The following ATR variants were observed in gnomAD, a reference collection of about 807,000 sequenced individuals.
ATR encodes serine/threonine-protein kinase ATR.
In ATR, 142 loss-of-function variants were observed where a neutral mutation model predicts 305.3. The observed-to-expected ratio is 0.47, with a 90% CI of 0.41 to 0.53. The LOEUF (loss-of-function observed/expected upper bound fraction) is 0.53. ATR is among the 20% of genes least tolerant of loss of function. The pLI is 0.00. For missense variants in ATR, 2,135 were observed against 3,133.1 expected (o/e 0.68, Z 7.60); for synonymous variants, 1,050 against 1,068.1 (o/e 0.98, Z 0.33).
chr3:142,451,710 G>T, intron 46 of ATR: 1 of 1,182,476 alleles, frequency 8.5e-7, no homozygotes, highest in Non-Finnish European at 1.1e-6. Flanking sequence ...CTCCCAAGTA[G>T]CTGGGACTAC....
intron 16 of ATR, among the ~76,000 whole-genome samples, chr3:142,547,235 C>T (rs923813902): frequency 1.8e-4 from 28 of 151,938 alleles, no homozygotes; most frequent in Admixed American, 1.0e-3. Flanking sequence ...CCAAACTTCC[C>T]TTCTATCCAA....
rs11318957 is a variant in ATR at position 142,572,372 on chromosome 3, CTTT to C, written c.60-4221_60-4219del. Among the ~76,000 whole-genome samples the C allele has an allele frequency of 5.6e-4, 32 of 56,800 alleles. 1 individual carries two copies. The highest frequency in any genetic ancestry group is 1.9e-3 in the African/African-American group (29 of 15,024). The allele number at this position is 56,800 out of a possible 152,430, so 37.3% of individuals were successfully genotyped here. On this transcript the variant is annotated intron_variant, in intron 1 of 46. Coordinates refer to ENST00000350721, the MANE Select transcript of ATR (RefSeq NM_001184.4). ...GCGTGAGCCACCACGCCCGGCCTGA[CTTT>C]TTTTTTTTTTTTTTTTTTTTTTTTG... is the stretch of plus-strand genomic sequence containing the variant.
Position 142,505,271 on chromosome 3 carries a change from T to G in ATR, c.5064A>C (p.Gly1688=). 2 of 1,614,006 alleles carry G rather than the reference T, an allele frequency of 1.2e-6. No individual in the cohort carries two copies. The highest frequency in any genetic ancestry group is 1.7e-6 in the Non-Finnish European group (2 of 1,179,982). The part of the protein sequence containing the change: ...KLYAAMHEPD[G]VAGVSAIRKA... ...TTCTAATTGCACTGACTCCGGCCAC[T>G]CCATCAGGTTCATGCATAGCAGCAT... The change falls in exon 29 of 47, where the codon GGA becomes GGC. Residue 1688 remains glycine, a synonymous_variant. Coordinates refer to ENST00000350721, the MANE Select transcript of ATR (RefSeq NM_001184.4).
intron 10 of ATR, among the ~76,000 whole-genome samples, chr3:142,554,743 T>A (rs1421669073): frequency 6.6e-6 from 1 of 151,258 alleles, no homozygotes; most frequent in Non-Finnish European, 1.5e-5. Flanking sequence ...GGCAACAAAG[T>A]GAGATCCCTC....
chr3:142,575,488 C>G (rs1228135363), intron 1 of ATR, among the ~76,000 whole-genome samples: 1 of 144,088 alleles, frequency 6.9e-6, no homozygotes, highest in Non-Finnish European at 1.5e-5. Flanking sequence ...AAAAAAAAAG[C>G]AGGCTCATTC....
chr3:142,483,758 T>C (rs2030705940), intron 36 of ATR, among the ~76,000 whole-genome samples: 1 of 151,820 alleles, frequency 6.6e-6, no homozygotes, highest in Non-Finnish European at 1.5e-5. Context: ...CGCTTGAACC[T>C]GGAAGCAGAG....
chr3:142,471,708 T>C (rs2071272710), intron 36 of ATR, among the ~76,000 whole-genome samples: 1 of 152,176 alleles, frequency 6.6e-6, no homozygotes. Context: ...CCAAGCTAAC[T>C]CACGCATGCT....
Position 142,578,689 on chromosome 3 carries a change from G to C in ATR, c.16C>G (p.Leu6Val), listed in dbSNP as rs201753798. 2 of 1,613,212 alleles carry C rather than the reference G, an allele frequency of 1.2e-6. No homozygotes were observed. Among genetic ancestry groups the C allele is most frequent in the Non-Finnish European group, 1.7e-6 (2 of 1,179,810 alleles). The change falls in exon 1 of 47, where the codon CTG becomes GTG. Residue 6 changes from leucine to valine, a missense_variant. This residue lies in a region of ATR where 744 missense variants were observed against 873.2 expected (regional missense o/e 0.85). Coordinates refer to ENST00000350721, the MANE Select transcript of ATR (RefSeq NM_001184.4). MGEHG[L>V]ELASMIPALR... ...GCGGGGATCATGGAAGCCAGCTCCA[G>C]GCCATGTTCCCCCATGCTGAGGCTG... is the stretch of plus-strand genomic sequence containing the variant.
chr3:142,528,704 A>G (rs909997298), intron 21 of ATR, among the ~76,000 whole-genome samples: 1 of 151,014 alleles, frequency 6.6e-6, no homozygotes, highest in African/African-American at 2.4e-5. Flanking sequence ...CTTGGCTACA[A>G]TTCTGTCAGA....
At position 142,458,348 on chromosome 3, in the gene ATR, T is replaced by A. The variant is rs369977694; in HGVS notation, c.7504-593A>T. On this transcript the variant is annotated intron_variant, in intron 44 of 46. Transcript: ENST00000350721. ...CCATGCCAGTATTTTATCTCTGATTTGTTCTCAGTTGGATCTATGATCTTT... is the reference window on the plus strand; with the variant it reads ...CCATGCCAGTATTTTATCTCTGATTAGTTCTCAGTTGGATCTATGATCTTT... Among the ~76,000 whole-genome samples the A allele has an allele frequency of 4.5e-4, 69 of 152,348 alleles. No homozygotes were observed. The South Asian group carries it at 0.014, about 31-fold the overall frequency.
chr3:142,480,352 C>T (rs1192187379), intron 36 of ATR, among the ~76,000 whole-genome samples: 1 of 152,242 alleles, frequency 6.6e-6, no homozygotes, highest in Non-Finnish European at 1.5e-5. Flanking sequence ...TGGAGATCCA[C>T]TCCAGACTCT....
chr3:142,538,517 A>G lies in ATR; in HGVS notation c.3690T>C (p.Thr1230=), dbSNP rs776691983. ...TTATGAGGTAGTGGAAGATAGCTGCAGTTTCTTTAGGCTGGATGTGTATAA... is the reference window on the plus strand; with the variant it reads ...TTATGAGGTAGTGGAAGATAGCTGCGGTTTCTTTAGGCTGGATGTGTATAA... ...LPLIHIQPKE[T]AAIFHYLIIE... The change falls in exon 19 of 47, where the codon ACT becomes ACC. Residue 1230 remains threonine, a synonymous_variant. Transcript: ENST00000350721. The G allele has an allele frequency of 9.9e-6, 16 of 1,613,222 alleles. No individual in the cohort carries two copies. The highest frequency in any genetic ancestry group is 3.3e-4 in the Middle Eastern group (2 of 6,078).
chr3:142,479,569 G>T (rs538363127), intron 36 of ATR, among the ~76,000 whole-genome samples: 1 of 152,192 alleles, frequency 6.6e-6, no homozygotes, highest in Admixed American at 6.5e-5. Context: ...ATGTGTCTTG[G>T]AGTTGCTCTT....
chr3:142,496,183 T>C (rs2031580042), intron 34 of ATR, among the ~76,000 whole-genome samples, 178 bp downstream of exon 34: 1 of 150,350 alleles, frequency 6.7e-6, no homozygotes, highest in Admixed American at 6.6e-5. Context: ...CTATGGTAGA[T>C]AACTAATGAA....
chr3:142,539,663 T>A (rs1211271064), intron 18 of ATR, among the ~76,000 whole-genome samples: 1 of 152,148 alleles, frequency 6.6e-6, no homozygotes, highest in Non-Finnish European at 1.5e-5. Context: ...CCTGCTATGT[T>A]GCCCAGGCTA....
At chr3:142,537,108 G>C (rs2033887654) in intron 19 of ATR, among the ~76,000 whole-genome samples, 1 of 152,122 alleles carries the variant, frequency 6.6e-6, no homozygotes, top group Non-Finnish European at 1.5e-5. Context: ...CAAAGCCAAA[G>C]TAGTGCCTTC....
intron 42 of ATR, among the ~76,000 whole-genome samples, chr3:142,461,168 T>C (rs929583908): frequency 1.3e-5 from 2 of 152,150 alleles, no homozygotes; most frequent in African/African-American, 4.8e-5. Context: ...CCCTTTATAA[T>C]TGTTAAGTAT....
intron 35 of ATR, among the ~76,000 whole-genome samples, chr3:142,488,756 G>T (rs954432691): frequency 1.1e-4 from 16 of 152,202 alleles, no homozygotes; most frequent in Non-Finnish European, 2.4e-4. Flanking sequence ...GAAGCTTCTT[G>T]GTTATTCTTG....
chr3:142,568,225 A>G (rs1173974297), intron 1 of ATR, 71 bp from the exon 2 acceptor site: 2 of 1,156,306 alleles, frequency 1.7e-6, no homozygotes, highest in African/African-American at 3.1e-5. Flanking sequence ...ATTTCTCTAA[A>G]GTAGAACTCA....
Sources: gnomAD v4.1 joint callset for allele counts (sites outside exome capture counted in the v4.1 genomes callset) on GRCh38, gnomAD v4.1.1 for gene constraint, gnomAD v4.1.1 regional missense constraint, MANE v1.5 for transcripts, NCBI Gene and HGNC (gene_info 2026-07-23, HGNC 2026-07-21) for gene names.